Variants in NCOR2 observed in about 807,000 individuals in gnomAD.
The protein encoded by NCOR2 is nuclear receptor corepressor 2.
NCOR2 carries 81 observed loss-of-function variants against 262.9 expected under a neutral mutation model. The ratio of observed to expected loss-of-function variants is 0.31; its 90% CI spans 0.26 to 0.37. NCOR2 has a LOEUF of 0.37. Ranked by LOEUF, NCOR2 falls within the 10% of genes least tolerant of loss-of-function variation. NCOR2 has a pLI of 1.00. For synonymous variants in NCOR2, 1,659 were observed against 1,559.3 expected, an observed-to-expected ratio of 1.06 and a Z score of -1.51; for missense variants, 3,385 against 3,621.4, an observed-to-expected ratio of 0.93 and a Z score of 1.68.
rs761695961 is a variant in NCOR2 at position 124,517,545 on chromosome 12, C to A, written c.-118+18020G>T. Among the ~76,000 whole-genome samples, 11 of 152,194 alleles carry A rather than the reference C, an allele frequency of 7.2e-5. No individual in the cohort carries two copies. The highest frequency in any genetic ancestry group is 2.2e-4 in the African/African-American group (9 of 41,450). ...GCCGGGCGCCGGGGCCGGGCTGCAG[C>A]GCTGCCTGCACCTGGCTCTCCCCTG... On this transcript the variant is annotated intron_variant, in intron 1 of 46. Coordinates refer to the NCOR2 transcript ENST00000404621. The surrounding 1 kb of genome is among the most constrained non-coding windows in gnomAD (Gnocchi z 7.6).
At chr12:124,376,679 T>C (rs924505582) in intron 18 of NCOR2, among the ~76,000 whole-genome samples, 3 of 152,180 alleles carry the variant, frequency 2.0e-5, no homozygotes, top group Admixed American at 6.5e-5. Context: ...AAGCGGGGAT[T>C]CGGGCTGGTG....
chr12:124,400,118 G>A (rs1216827905), intron 15 of NCOR2, among the ~76,000 whole-genome samples: 5 of 152,130 alleles, frequency 3.3e-5, no homozygotes, highest in East Asian at 1.9e-4. Context: ...CAAAAAATCC[G>A]GAACTGGTCA....
intron 1 of NCOR2, among the ~76,000 whole-genome samples, chr12:124,543,204 G>A (rs1162699423): frequency 3.3e-5 from 5 of 152,188 alleles, no homozygotes; most frequent in African/African-American, 4.8e-5. Flanking sequence ...CCGCAGCCCC[G>A]TCCAGAGGGG....
intron 20 of NCOR2, among the ~76,000 whole-genome samples, chr12:124,368,826 A>G (rs1342660692): frequency 1.3e-5 from 2 of 152,240 alleles, no homozygotes; most frequent in African/African-American, 4.8e-5. Context: ...CTAGAATGTA[A>G]GTGCCTGGAG....
chr12:124,435,376 ACCAT>A (rs140940068), intron 8 of NCOR2, among the ~76,000 whole-genome samples: 2,815 of 152,294 alleles, frequency 0.018, 91 homozygotes, highest in African/African-American at 0.064. Context: ...GCCTGTGGGC[ACCAT>A]CCAGTCAAGG....
At chr12:124,402,681 A>G (rs2042048052) in intron 13 of NCOR2, 120 bp from the exon 16 acceptor site, 5 of 1,502,958 alleles carry the variant, frequency 3.3e-6, no homozygotes, top group Non-Finnish European at 4.4e-6. Context: ...CGTGGAGTCC[A>G]CCCAGAAGAG....
chr12:124,372,054 C>T (rs2039562409), exon 20 of NCOR2: 1 of 1,600,864 alleles, frequency 6.2e-7, no homozygotes, highest in African/African-American at 1.3e-5. Context: ...CCTCATCCAC[C>T]TCGTCTGCAC....
At chr12:124,325,378 C>CGG in exon 47 of NCOR2, 22 of 232,274 alleles carry the variant, frequency 9.5e-5, no homozygotes, top group Non-Finnish European at 1.2e-4. Flanking sequence ...CCTGACACCG[C>CGG]CCCCCCCCCC....
At chr12:124,453,968 T>C (rs745413375) in intron 6 of NCOR2, among the ~76,000 whole-genome samples, 3 of 152,196 alleles carry the variant, frequency 2.0e-5, no homozygotes, top group East Asian at 1.9e-4. Context: ...CAGCTTCTGA[T>C]GGAAGACACC....
chr12:124,388,652 T>G, intron 16 of NCOR2: 1 of 1,303,320 alleles, frequency 7.7e-7, no homozygotes, highest in Non-Finnish European at 1.0e-6. Context: ...GCACCCGCAG[T>G]CCCCCATCCC....
At position 124,523,581 on chromosome 12, in the gene NCOR2, T is replaced by C. The variant is rs1291050397; in HGVS notation, c.-118+11984A>G. On this transcript the variant is annotated intron_variant, in intron 1 of 46. Transcript: ENST00000404621. The surrounding 1 kb of genome is among the most constrained non-coding windows in gnomAD (Gnocchi z 4.0). ...GTCTTTTGGCTTCACTGGGCCACAC[T>C]AAAAGAACTGTCTCGGATCACACAT... Among the ~76,000 whole-genome samples the C allele has an allele frequency of 6.9e-6, 1 of 145,238 alleles. No individual in the cohort carries two copies. The highest frequency in any genetic ancestry group is 7.0e-5 in the Admixed American group (1 of 14,244).
exon 11 of NCOR2, chr12:124,426,781 C>A: frequency 1.3e-6 from 2 of 1,581,844 alleles, no homozygotes; most frequent in Non-Finnish European, 1.7e-6. Context: ...GGCCAGCTGG[C>A]GCATCTGCTT....
chr12:124,450,591 T>G (rs2045456981), intron 6 of NCOR2, among the ~76,000 whole-genome samples: 1 of 152,006 alleles, frequency 6.6e-6, no homozygotes, highest in Admixed American at 6.5e-5. Context: ...CAGGACTCGG[T>G]TACACCACAA....
intron 11 of NCOR2, among the ~76,000 whole-genome samples, chr12:124,424,068 G>A (rs2043384862): frequency 6.6e-6 from 1 of 152,162 alleles, no homozygotes; most frequent in Non-Finnish European, 1.5e-5. Flanking sequence ...CAGCCCCACG[G>A]GCCGGCAGAT....
rs1358671544 is a variant in NCOR2, at chr12:124,426,230, TG to T, written c.1328+391del. ...CAGGGTCTTTCCAGATGTAATTAGT[TG>T]AAGTGAGGTTGTATTGGGTTAGGCT... On this transcript the variant is annotated intron_variant, in intron 11 of 46. Transcript: ENST00000405201. Among the ~76,000 whole-genome samples the T allele has an allele frequency of 6.6e-5, 10 of 152,244 alleles. 1 individual carries two copies.
upstream of NCOR2, among the ~76,000 whole-genome samples, chr12:124,496,977 G>A (rs921872561): frequency 1.3e-5 from 2 of 152,210 alleles, no homozygotes; most frequent in Admixed American, 6.5e-5. This position sits in a 1 kb window ranked among gnomAD's most constrained non-coding sequence, Gnocchi z 4.4. Flanking sequence ...TGAGACCCAC[G>A]CCCACCGGCA....
intron 44 of NCOR2, 55 bp downstream of exon 46, chr12:124,330,790 G>A: frequency 1.3e-6 from 2 of 1,530,300 alleles, no homozygotes; most frequent in Admixed American, 3.9e-5. Flanking sequence ...GAGCAGGGGT[G>A]GGGAGGGAGC....
intron 13 of NCOR2, among the ~76,000 whole-genome samples, chr12:124,411,217 G>A (rs777642634): frequency 7.2e-5 from 11 of 151,736 alleles, no homozygotes; most frequent in Non-Finnish European, 1.3e-4. Context: ...TAGAAAGAGG[G>A]AGGAAGACAT....
rs2048849970 is a variant in NCOR2 at position 124,503,421 on chromosome 12, A to T, written c.-117-8053T>A. 6.6e-6 allele frequency among the ~76,000 whole-genome samples: 1 copy of T among 152,168 alleles called. No homozygotes were observed. The highest frequency in any genetic ancestry group is 1.5e-5 in the Non-Finnish European group (1 of 68,026). ...GGAGGGAGGAAAGGAGGATGGATGG[A>T]TGAATGCATGCATGGATAGAGAAAG... On this transcript the variant is annotated intron_variant, in intron 1 of 46. Coordinates refer to the NCOR2 transcript ENST00000404621. The surrounding 1 kb of genome is among the most constrained non-coding windows in gnomAD (Gnocchi z 4.3).
Sources: gnomAD v4.1 joint callset for allele counts (sites outside exome capture counted in the v4.1 genomes callset) on GRCh38, gnomAD v4.1.1 for gene constraint, Gnocchi (gnomAD v3.1) non-coding constraint, MANE v1.5 for transcripts, NCBI Gene and HGNC (gene_info 2026-07-23, HGNC 2026-07-21) for gene names.